NAV3: variants seen among roughly 807,000 people sequenced by gnomAD.
NAV3 encodes neuron navigator 3.
NAV3 carries 87 observed loss-of-function variants against 244.7 expected under a neutral mutation model. That is an observed-to-expected ratio of 0.36 (90% CI 0.30 to 0.42). NAV3 has a LOEUF of 0.42. Among genes scored for constraint, NAV3 ranks in the 20% least tolerant of loss-of-function variants. The probability of loss-of-function intolerance (pLI) is 1.00; values close to 1 mark genes in which losing one functional copy is unlikely to be tolerated. For missense variants in NAV3, 2,663 were observed against 2,893.3 expected (o/e 0.92, Z 1.83); for synonymous variants, 1,126 against 1,042.2 (o/e 1.08, Z -1.55).
rs575605879 is a variant in NAV3 at position 77,907,698 on chromosome 12, C to T, written c.244-32621C>T. On this transcript the variant is annotated intron_variant, in intron 1 of 39. Transcript: ENST00000397909. ...ATATGTAGGAGTCCTCATAACAACC[C>T]TATAGAAGAGGTATCATTACACCTG... Among the ~76,000 whole-genome samples, 14 of 152,126 alleles carry T rather than the reference C, an allele frequency of 9.2e-5. No individual in the cohort carries two copies. The South Asian group carries it at 2.1e-3, about 23-fold the overall frequency.
chr12:78,023,735 G>A (rs1478398929), intron 9 of NAV3, among the ~76,000 whole-genome samples: 1 of 152,162 alleles, frequency 6.6e-6, no homozygotes, highest in African/African-American at 2.4e-5. Flanking sequence ...GGAAATATGA[G>A]CAGGCCAGTG....
Position 77,780,651 on chromosome 12 carries a change from C to T in NAV3, c.73-159668C>T, listed in dbSNP as rs1870619350. On this transcript the variant is annotated intron_variant, in intron 2 of 8. Coordinates refer to the NAV3 transcript ENST00000550042. ...AGGCTCCTGGGTCCCCAACCCCCAA[C>T]AGGGACTGTGATAGGGGCCTTATCT... 3.3e-5 allele frequency among the ~76,000 whole-genome samples: 5 copies of T among 152,172 alleles called. No homozygotes were observed. The South Asian group carries it at 1.0e-3, about 31-fold the overall frequency.
chr12:77,737,811 T>C (rs941174914), intron 2 of NAV3, among the ~76,000 whole-genome samples: 2 of 152,348 alleles, frequency 1.3e-5, no homozygotes, highest in African/African-American at 4.8e-5. Flanking sequence ...TCTAGACATA[T>C]GTGTGTTTTC....
chr12:78,084,746 A>G (rs910284623), intron 12 of NAV3, among the ~76,000 whole-genome samples: 1 of 152,166 alleles, frequency 6.6e-6, no homozygotes, highest in African/African-American at 2.4e-5. Flanking sequence ...TTACTAAACT[A>G]ATCAATGACT....
intron 3 of NAV3, among the ~76,000 whole-genome samples, chr12:77,949,111 A>C (rs566539289): frequency 6.6e-6 from 1 of 152,148 alleles, no homozygotes; most frequent in East Asian, 1.9e-4. Flanking sequence ...GAAAAATCGT[A>C]TTTCACACCT....
At chr12:77,812,133 C>T (rs2136003332) in intron 2 of NAV3, among the ~76,000 whole-genome samples, 1 of 152,210 alleles carries the variant, frequency 6.6e-6, no homozygotes, top group African/African-American at 2.4e-5. Flanking sequence ...AAACAACAGC[C>T]CATATCCTGT....
rs142515260 is a variant in NAV3, at chr12:77,961,551, A to T, written c.415-4678A>T. 5.2e-3 allele frequency among the ~76,000 whole-genome samples: 748 copies of T among 144,246 alleles called. 16 individuals carry two copies. Among genetic ancestry groups the T allele is most frequent in the Admixed American group, 0.048 (673 of 14,074 alleles). 94.6% of individuals were successfully genotyped at this position (144,246 alleles called of 152,430 possible). On this transcript the variant is annotated intron_variant, in intron 3 of 39. Transcript: ENST00000397909. ...TTAATAATATATAACTGTATATGTA[A>T]TATATATTATTAAAGTAAATATTAT...
chr12:78,172,038 C>G (rs1958022286), intron 24 of NAV3, among the ~76,000 whole-genome samples: 1 of 151,530 alleles, frequency 6.6e-6, no homozygotes, highest in Non-Finnish European at 1.5e-5. Flanking sequence ...TCTTAAAATA[C>G]AAAGATTTAA....
chr12:77,722,188 A>G (rs1876667424), intron 2 of NAV3, among the ~76,000 whole-genome samples: 1 of 152,046 alleles, frequency 6.6e-6, no homozygotes, highest in Non-Finnish European at 1.5e-5. Flanking sequence ...AATTCTATGT[A>G]GAAGGAAAGG....
At chr12:77,861,407 G>A (rs936183212) in intron 1 of NAV3, among the ~76,000 whole-genome samples, 1 of 151,698 alleles carries the variant, frequency 6.6e-6, no homozygotes, top group African/African-American at 2.4e-5. Flanking sequence ...TTATATTCTG[G>A]TCAAATGCTA....
chr12:77,867,564 C>T (rs1372322957), intron 1 of NAV3, among the ~76,000 whole-genome samples: 41 of 152,122 alleles, frequency 2.7e-4, no homozygotes, highest in South Asian at 6.2e-4. Flanking sequence ...GGACTACAAG[C>T]GCCCGCCACC....
chr12:77,844,531 A>G (rs76373361), intron 1 of NAV3, among the ~76,000 whole-genome samples: 2,455 of 152,246 alleles, frequency 0.016, 41 homozygotes, highest in African/African-American at 0.043. Flanking sequence ...AATTTTTTTG[A>G]GTTGTGTTTA....
At chr12:77,968,770 T>C in intron 5 of NAV3, 68 bp downstream of exon 5, 2 of 1,474,552 alleles carry the variant, frequency 1.4e-6, no homozygotes, top group Admixed American at 2.0e-5. Context: ...TTTAACAAAT[T>C]ATTGTCCATG....
intron 2 of NAV3, among the ~76,000 whole-genome samples, chr12:77,595,533 T>C (rs1175083215): frequency 6.6e-6 from 1 of 152,148 alleles, no homozygotes; most frequent in East Asian, 1.9e-4. Flanking sequence ...ATTTCAGTTC[T>C]TCTCATCACA....
intron 2 of NAV3, among the ~76,000 whole-genome samples, chr12:77,645,437 C>T (rs531449111): frequency 1.4e-4 from 21 of 145,938 alleles, no homozygotes; most frequent in African/African-American, 5.1e-4. Flanking sequence ...ATTTACATCT[C>T]TAAGGGACTG....
At chr12:77,707,556 T>C (rs1875886594) in intron 2 of NAV3, among the ~76,000 whole-genome samples, 1 of 152,366 alleles carries the variant, frequency 6.6e-6, no homozygotes, top group East Asian at 1.9e-4. Context: ...GCATGATTTA[T>C]AATCCTTTGG....
chr12:78,024,683 A>C (rs1221388625), intron 9 of NAV3, among the ~76,000 whole-genome samples: 1 of 152,154 alleles, frequency 6.6e-6, no homozygotes, highest in East Asian at 1.9e-4. Flanking sequence ...TAATTTAAAA[A>C]ACACAACTTC....
intron 2 of NAV3, among the ~76,000 whole-genome samples, chr12:77,788,763 T>G (rs1871028256): frequency 6.6e-6 from 1 of 152,114 alleles, no homozygotes; most frequent in Admixed American, 6.6e-5. Flanking sequence ...GGATTTCCAT[T>G]TCTAAGACAC....
chr12:78,003,443 G>A (rs1190434827), intron 7 of NAV3, among the ~76,000 whole-genome samples: 1 of 152,216 alleles, frequency 6.6e-6, no homozygotes, highest in Non-Finnish European at 1.5e-5. Context: ...AAATACTTCA[G>A]AAATGAATGG....
Sources: allele counts gnomAD v4.1 joint callset (sites outside exome capture counted in the v4.1 genomes callset), GRCh38; gene constraint gnomAD v4.1.1; transcripts MANE v1.5; gene names NCBI Gene and HGNC (gene_info 2026-07-23, HGNC 2026-07-21).